Variants in SEMA4C observed in about 807,000 individuals in gnomAD.
SEMA4C encodes semaphorin-4C.
In SEMA4C, 19 loss-of-function variants were observed where a neutral mutation model predicts 89.0. The observed-to-expected ratio is 0.21, with a 90% CI of 0.15 to 0.31. The LOEUF (loss-of-function observed/expected upper bound fraction) is 0.31. SEMA4C is among the 10% of genes least tolerant of loss of function. The pLI is 1.00. For synonymous variants in SEMA4C, 428 were observed against 472.7 expected (o/e 0.91, Z 1.23); for missense variants, 811 against 1,107.0 (o/e 0.73, Z 3.79).
intron 12 of SEMA4C, chr2:96,862,576 C>G (rs71427098): frequency 3.9e-3 from 589 of 152,140 alleles, no homozygotes; most frequent in Admixed American, 8.3e-3. Flanking sequence ...AAAAATTAGC[C>G]GGCTGGCCAG....
chr2:96,863,640 G>C (rs2080002532), intron 12 of SEMA4C, 42 bp downstream of exon 12: 1 of 1,553,424 alleles, frequency 6.4e-7, no homozygotes, highest in African/African-American at 1.4e-5. Context: ...AGTGAGATGG[G>C]ATAGTGCTGG....
intron 1 of SEMA4C, chr2:96,868,366 A>G: frequency 1.0e-6 from 1 of 961,094 alleles, no homozygotes; most frequent in Non-Finnish European, 1.3e-6. Context: ...CCTTAGGGCG[A>G]CGAGGGCATG....
Position 96,861,405 on chromosome 2 carries a change from G to A in SEMA4C, c.1723C>T (p.Leu575=). ...ITVVAGTDLV[L]PCHLSSNLAH... Reference sequence around the variant, plus strand: ...AAGTTGGAGGAGAGGTGGCAGGGCAGCACCAGGTCTGTGCCCGCCACCACC... The same window carrying A: ...AAGTTGGAGGAGAGGTGGCAGGGCAACACCAGGTCTGTGCCCGCCACCACC... The change falls in exon 15 of 15, where the codon CTG becomes TTG. Residue 575 remains leucine, a synonymous_variant. Coordinates refer to ENST00000305476, the MANE Select transcript of SEMA4C (RefSeq NM_017789.5). The surrounding 1 kb of genome is among the most constrained non-coding windows in gnomAD (Gnocchi z 7.8). 6.2e-7 allele frequency: 1 copy of A among 1,610,682 alleles called. No homozygotes were observed. Among genetic ancestry groups the A allele is most frequent in the Non-Finnish European group, 8.5e-7 (1 of 1,180,002 alleles).
chr2:96,865,674 T>C lies in SEMA4C; in HGVS notation c.412A>G (p.Thr138Ala). ...CGTYAFQPKC[T>A]YVNMLTFTLE... The stretch of plus-strand genomic sequence containing the variant: ...AGGAGGGCAGCACTCACGACGTAGG[T>C]GCACTTGGGCTGGAAGGCGTAGGTG... Residue 138 changes from threonine to alanine, a missense_variant, in exon 5 of 15, where the codon ACC becomes GCC. Transcript: ENST00000305476. 1 of 1,613,892 alleles carries C rather than the reference T, an allele frequency of 6.2e-7. No homozygotes were observed. The highest frequency in any genetic ancestry group is 8.5e-7 in the Non-Finnish European group (1 of 1,179,920).
At chr2:96,865,991 CA>C in intron 3 of SEMA4C, 62 bp from the exon 4 acceptor site, 1 of 1,538,644 alleles carries the variant, frequency 6.5e-7, no homozygotes, top group Non-Finnish European at 9.0e-7. Context: ...GTGTCACAAG[CA>C]CAGCCTGCAG....
intron 12 of SEMA4C, chr2:96,862,152 G>A (rs2079962153): frequency 2.0e-6 from 1 of 498,552 alleles, no homozygotes; most frequent in East Asian, 3.1e-5. Context: ...AGAAAGGGAT[G>A]ATGGGGCTGT....
chr2:96,867,727 A>G (rs1574156087), intron 2 of SEMA4C, 51 bp downstream of exon 2: 1 of 1,556,030 alleles, frequency 6.4e-7, no homozygotes, highest in African/African-American at 1.4e-5. Context: ...TATGGGGGCA[A>G]CTCCTCAGCA....
At chr2:96,868,409 G>A (rs2080130578) in intron 1 of SEMA4C, 1 of 1,004,704 alleles carries the variant, frequency 1.0e-6, no homozygotes, top group African/African-American at 1.7e-5. Flanking sequence ...AGCCCCAAAG[G>A]GGAAACCTGG....
intron 1 of SEMA4C, chr2:96,868,275 T>C: frequency 2.1e-6 from 1 of 467,926 alleles, no homozygotes; most frequent in Non-Finnish European, 3.3e-6. Flanking sequence ...GGTTTGAGTT[T>C]CTTGAAAGAA....
At chr2:96,868,817 G>A (rs2080142328) in intron 1 of SEMA4C, 1 of 985,230 alleles carries the variant, frequency 1.0e-6, no homozygotes, top group Non-Finnish European at 1.2e-6. Context: ...GCCGGCACCC[G>A]CTGCGCTCCC....
Position 96,869,963 on chromosome 2 carries a change from C to G in SEMA4C, c.-125G>C, listed in dbSNP as rs999560560. ...CCCTGCCCCCGCGTCGCCGCCTGCCCGCGCTCGCCCGCCAGCCCTCCGCGG... is the reference window on the plus strand; with the variant it reads ...CCCTGCCCCCGCGTCGCCGCCTGCCGGCGCTCGCCCGCCAGCCCTCCGCGG... On this transcript the variant is annotated 5_prime_UTR_variant, in exon 1 of 15. Coordinates refer to ENST00000305476, the MANE Select transcript of SEMA4C (RefSeq NM_017789.5). The G allele has an allele frequency of 6.1e-6, 6 of 986,718 alleles. No homozygotes were observed. The highest frequency in any genetic ancestry group is 7.2e-6 in the Non-Finnish European group (6 of 830,670). The allele number at this position is 986,718 out of a possible 1,614,324, so 61.1% of individuals were successfully genotyped here.
Position 96,866,922 on chromosome 2 carries a change from C to T in SEMA4C, c.110-491G>A, listed in dbSNP as rs1038121815. 29 of 319,980 alleles carry T rather than the reference C, an allele frequency of 9.1e-5. No individual in the cohort carries two copies. The Admixed American group carries it at 9.1e-4, about 10-fold the overall frequency. The allele number at this position is 319,980 out of a possible 1,614,324, so 19.8% of individuals were successfully genotyped here. ...ACCCCAATCCAGGCTGCCAGAGATG[C>T]GAGCACAGCAGGCCACTAGGACAGG... On this transcript the variant is annotated intron_variant, in intron 2 of 14. Coordinates refer to ENST00000305476, the MANE Select transcript of SEMA4C (RefSeq NM_017789.5).
intron 2 of SEMA4C, among the ~76,000 whole-genome samples, chr2:96,867,305 G>A (rs564128741): frequency 6.6e-6 from 1 of 152,310 alleles, no homozygotes; most frequent in East Asian, 1.9e-4. Flanking sequence ...CCTTTCACAC[G>A]GGTGTGTGCA....
rs1439805684 is a variant in SEMA4C at position 96,869,950 on chromosome 2, G to C, written c.-112C>G. ...GACCGCCGTCCACCCCTGCCCCCGC[G>C]TCGCCGCCTGCCCGCGCTCGCCCGC... On this transcript the variant is annotated 5_prime_UTR_variant, in exon 1 of 15. Transcript: ENST00000305476. 1.0e-6 allele frequency: 1 copy of C among 986,680 alleles called. No individual in the cohort carries two copies. Among genetic ancestry groups the C allele is most frequent in the African/African-American group, 1.7e-5 (1 of 57,166 alleles). 61.1% of individuals were successfully genotyped at this position (986,680 alleles called of 1,614,324 possible).
intron 1 of SEMA4C, 152 bp downstream of exon 1, chr2:96,869,724 G>A: frequency 3.0e-6 from 3 of 985,036 alleles, no homozygotes; most frequent in Non-Finnish European, 3.6e-6. Flanking sequence ...TCGCAGGAAG[G>A]ATCCCCGCGT....
rs1421117883 is a variant in SEMA4C, at chr2:96,864,395, G to GAGGGAGCCCAGGGTC, written c.963-28_963-14dup. 6.2e-7 allele frequency: 1 copy of GAGGGAGCCCAGGGTC among 1,612,618 alleles called. No homozygotes were observed. Among genetic ancestry groups the GAGGGAGCCCAGGGTC allele is most frequent in the East Asian group, 2.2e-5 (1 of 44,890 alleles). ...GTACATGTCACCCCTGTCACAGCGA[G>GAGGGAGCCCAGGGTC]AGGGAGCCCAGGGTCAGGTACCCAC... On this transcript the variant is annotated splice_polypyrimidine_tract_variant and intron_variant, in intron 9 of 14. Coordinates refer to ENST00000305476, the MANE Select transcript of SEMA4C (RefSeq NM_017789.5). The surrounding 1 kb of genome is among the most constrained non-coding windows in gnomAD (Gnocchi z 6.3).
At chr2:96,862,033 G>A in intron 12 of SEMA4C, 139 bp from the exon 13 acceptor site, 1 of 899,570 alleles carries the variant, frequency 1.1e-6, no homozygotes, top group Non-Finnish European at 1.7e-6. Flanking sequence ...AGGAACAAGG[G>A]AACAAGGCAG....
intron 1 of SEMA4C, chr2:96,869,674 T>G (rs1574159601): frequency 3.0e-6 from 3 of 984,938 alleles, no homozygotes; most frequent in Non-Finnish European, 3.6e-6. Flanking sequence ...GCAGGTGCTG[T>G]GCGCCCCACT....
rs1381330114 is a variant in SEMA4C, at chr2:96,867,502, CT to C, written c.109+275del. On this transcript the variant is annotated intron_variant, in intron 2 of 14. Coordinates refer to ENST00000305476, the MANE Select transcript of SEMA4C (RefSeq NM_017789.5). ...ATCCCGGTTCCAGTTTCTCTTTAGG[CT>C]CCCAGCGCCAGTGACAATTCAAGAA... Among the ~76,000 whole-genome samples the C allele has an allele frequency of 2.6e-5, 4 of 152,320 alleles. No individual in the cohort carries two copies. In the East Asian group the frequency reaches 5.8e-4, roughly 22 times the overall value.
Sources: allele counts gnomAD v4.1 joint callset (sites outside exome capture counted in the v4.1 genomes callset), GRCh38; gene constraint gnomAD v4.1.1; non-coding constraint Gnocchi (gnomAD v3.1); transcripts MANE v1.5; gene names NCBI Gene and HGNC (gene_info 2026-07-23, HGNC 2026-07-21).